Variants in TRPM3 observed in about 807,000 individuals in gnomAD.
TRPM3 encodes transient receptor potential cation channel subfamily M member 3.
TRPM3 carries 77 observed loss-of-function variants against 181.2 expected under a neutral mutation model. The ratio of observed to expected loss-of-function variants is 0.42; its 90% confidence interval spans 0.35 to 0.51. The LOEUF is 0.51. TRPM3 is among the 20% of genes least tolerant of loss of function. The pLI, the probability that TRPM3 is intolerant of heterozygous loss-of-function variation, is 0.01. For missense variants in TRPM3, 1,759 were observed against 2,196.7 expected, an observed-to-expected ratio of 0.80 and a Z score of 3.98; for synonymous variants, 745 against 796.4, an observed-to-expected ratio of 0.94 and a Z score of 1.09.
chr9:71,205,225 G>T (rs572278661), intron 1 of TRPM3, among the ~76,000 whole-genome samples: 67 of 141,282 alleles, frequency 4.7e-4, no homozygotes, highest in Non-Finnish European at 5.8e-4. Context: ...AGTAATGCAC[G>T]AATGTTTAAG....
intron 1 of TRPM3, among the ~76,000 whole-genome samples, chr9:71,254,413 TCTG>T (rs765560198): frequency 1.1e-3 from 164 of 152,288 alleles, no homozygotes; most frequent in Non-Finnish European, 8.1e-4. Context: ...GTTCAGGAAA[TCTG>T]CTGTACAACA....
intron 1 of TRPM3, among the ~76,000 whole-genome samples, chr9:71,168,630 T>A (rs1225478592): frequency 9.6e-5 from 14 of 145,654 alleles, no homozygotes; most frequent in Non-Finnish European, 1.8e-4. Context: ...ATTATTTTTT[T>A]ATTATTTTTT....
chr9:71,345,718 T>G (rs1325025888), intron 1 of TRPM3, among the ~76,000 whole-genome samples: 1 of 152,090 alleles, frequency 6.6e-6, no homozygotes, highest in African/African-American at 2.4e-5. Flanking sequence ...TGCATATGTA[T>G]CCCAGCACTT....
intron 1 of TRPM3, among the ~76,000 whole-genome samples, chr9:70,898,575 C>T (rs1417249931): frequency 2.0e-5 from 3 of 149,980 alleles, no homozygotes; most frequent in Admixed American, 2.0e-4. Flanking sequence ...TAATGAAACC[C>T]CGTCTCTACT....
Position 71,190,105 on chromosome 9 carries a change from T to C in TRPM3, c.183+256548A>G, listed in dbSNP as rs576348079. ...TGGAGATTTGAAAGAGCAAACCAAATACCTTTTGTCTAAAAGCGTATGGGC... is the reference window on the plus strand; with the variant it reads ...TGGAGATTTGAAAGAGCAAACCAAACACCTTTTGTCTAAAAGCGTATGGGC... On this transcript the variant is annotated intron_variant, in intron 1 of 24. Transcript: ENST00000357533. Among the ~76,000 whole-genome samples the C allele has an allele frequency of 1.1e-4, 16 of 151,970 alleles. No individual in the cohort carries two copies. In the South Asian group the frequency reaches 3.3e-3, roughly 31 times the overall value.
chr9:71,109,964 A>G (rs1388956496), intron 1 of TRPM3, among the ~76,000 whole-genome samples: 3 of 152,114 alleles, frequency 2.0e-5, no homozygotes, highest in African/African-American at 7.2e-5. Flanking sequence ...TTATCATTTC[A>G]TTTTCAGTCC....
chr9:71,348,592 C>G (rs934070793), intron 1 of TRPM3, among the ~76,000 whole-genome samples: 1 of 150,654 alleles, frequency 6.6e-6, no homozygotes, highest in Non-Finnish European at 1.5e-5. Context: ...TTTTTTGAGA[C>G]TGAGTCTCAT....
intron 5 of TRPM3, among the ~76,000 whole-genome samples, chr9:70,841,624 CTATATATATATATATA>C (rs72421594): frequency 4.5e-4 from 33 of 72,898 alleles, no homozygotes; most frequent in Admixed American, 7.3e-4. Flanking sequence ...CTATATCCCA[CTATATATATATATATA>C]TATATATATA....
intron 1 of TRPM3, among the ~76,000 whole-genome samples, chr9:70,922,794 A>G (rs914111568): frequency 3.9e-5 from 6 of 152,192 alleles, no homozygotes; most frequent in Admixed American, 6.6e-5. Context: ...AAGTGGTCTC[A>G]GTCTCGTTTT....
chr9:71,444,845 T>C (rs1445052687), intron 1 of TRPM3, among the ~76,000 whole-genome samples: 1 of 152,346 alleles, frequency 6.6e-6, no homozygotes, highest in East Asian at 1.9e-4. Flanking sequence ...ACACTGATAA[T>C]TAAAAATTAT....
intron 1 of TRPM3, among the ~76,000 whole-genome samples, chr9:71,381,047 T>C (rs2092788402): frequency 6.6e-6 from 1 of 152,002 alleles, no homozygotes; most frequent in Non-Finnish European, 1.5e-5. Flanking sequence ...GGTGTTGAGA[T>C]TGAAATAAGA....
rs527512652 is a variant in TRPM3, at chr9:70,761,356, G to A, written c.1272+245C>T. 1.3e-4 allele frequency: 84 copies of A among 647,808 alleles called. 2 individuals carry two copies. The highest frequency in any genetic ancestry group is 1.1e-3 in the South Asian group (61 of 53,742). 40.1% of individuals were successfully genotyped at this position (647,808 alleles called of 1,614,324 possible). On this transcript the variant is annotated intron_variant, in intron 8 of 25. Transcript: ENST00000677713. ...CTCATTTTGTTGAGGCAGTCAGAGCGTTTGGATGAGCTCCAAAAGGAAATG... is the reference window on the plus strand; with the variant it reads ...CTCATTTTGTTGAGGCAGTCAGAGCATTTGGATGAGCTCCAAAAGGAAATG...
At chr9:71,062,368 T>C (rs749148507) in intron 1 of TRPM3, among the ~76,000 whole-genome samples, 3 of 152,082 alleles carry the variant, frequency 2.0e-5, no homozygotes, top group Non-Finnish European at 4.4e-5. Context: ...AATGTGATGG[T>C]CTAAATACCC....
intron 1 of TRPM3, among the ~76,000 whole-genome samples, chr9:71,186,471 T>C (rs757661735): frequency 6.6e-5 from 10 of 152,184 alleles, no homozygotes; most frequent in Admixed American, 2.0e-4. Flanking sequence ...ATACTGTATG[T>C]TTTTTAAGGC....
intron 1 of TRPM3, among the ~76,000 whole-genome samples, chr9:70,872,843 T>C (rs576439582): frequency 6.6e-6 from 1 of 152,090 alleles, no homozygotes; most frequent in Non-Finnish European, 1.5e-5. Flanking sequence ...GCACATTAAT[T>C]CTTCATTGGA....
chr9:71,154,894 A>G (rs77324445), intron 1 of TRPM3, among the ~76,000 whole-genome samples: 1,587 of 152,310 alleles, frequency 0.01, 27 homozygotes, highest in African/African-American at 0.036. Context: ...GGTATAAACT[A>G]CAGAAATACA....
intron 22 of TRPM3, among the ~76,000 whole-genome samples, chr9:70,563,242 G>T (rs2049605374): frequency 6.6e-6 from 1 of 152,198 alleles, no homozygotes; most frequent in African/African-American, 2.4e-5. Context: ...ATAGCCCGCT[G>T]ACCTCCTGGC....
At chr9:71,325,577 C>T (rs1679837087) in intron 1 of TRPM3, among the ~76,000 whole-genome samples, 2 of 152,168 alleles carry the variant, frequency 1.3e-5, no homozygotes, top group South Asian at 4.1e-4. Flanking sequence ...GGTTTAAAGA[C>T]AGCCTTGAGC....
intron 1 of TRPM3, among the ~76,000 whole-genome samples, chr9:71,319,893 A>T (rs1169825055): frequency 6.6e-6 from 1 of 152,276 alleles, no homozygotes; most frequent in Non-Finnish European, 1.5e-5. Flanking sequence ...TTCCTGAGAT[A>T]CCTACAAAGG....
Sources: allele counts gnomAD v4.1 joint callset (sites outside exome capture counted in the v4.1 genomes callset), GRCh38; gene constraint gnomAD v4.1.1; transcripts MANE v1.5; gene names NCBI Gene and HGNC (gene_info 2026-07-23, HGNC 2026-07-21).